PDE6C: variants seen among roughly 807,000 people sequenced by gnomAD.
PDE6C encodes cone cGMP-specific 3',5'-cyclic phosphodiesterase subunit alpha'.
PDE6C carries 75 observed loss-of-function variants against 113.1 expected under a neutral mutation model. The ratio of observed to expected loss-of-function variants is 0.66; its 90% CI spans 0.55 to 0.80. The LOEUF (loss-of-function observed/expected upper bound fraction) is 0.80. Among genes scored for constraint, PDE6C ranks in the 30% least tolerant of loss-of-function variants. PDE6C has a pLI of 0.00. For synonymous variants in PDE6C, 375 were observed against 363.7 expected (o/e 1.03, Z -0.35); for missense variants, 912 against 1,038.6 (o/e 0.88, Z 1.67).
At chr10:93,629,707 C>T (rs550601668) in intron 8 of PDE6C, among the ~76,000 whole-genome samples, 1 of 152,306 alleles carries the variant, frequency 6.6e-6, no homozygotes, top group East Asian at 1.9e-4. Flanking sequence ...AAGGACGGCA[C>T]AACCCAGATC....
rs769085822 is a variant in PDE6C at position 93,626,829 on chromosome 10, A to T, written c.1029A>T (p.Thr343=). The T allele has an allele frequency of 1.9e-6, 3 of 1,613,850 alleles. No individual in the cohort carries two copies. The highest frequency in any genetic ancestry group is 1.1e-5 in the South Asian group (1 of 91,078). The part of the protein sequence containing the change: ...VIPTPPADHW[T]LISGLPTYVA... ...GGACGCCTCCTGCAGACCACTGGAC[A>T]CTCATTAGTGGGTTGCCAACATATG... The change falls in exon 7 of 22, where the codon ACA becomes ACT. Residue 343 remains threonine (T), a synonymous_variant. Coordinates refer to ENST00000371447, the MANE Select transcript of PDE6C (RefSeq NM_006204.4).
intron 21 of PDE6C, among the ~76,000 whole-genome samples, chr10:93,664,409 A>G (rs906650437): frequency 2.0e-5 from 3 of 152,190 alleles, no homozygotes; most frequent in Admixed American, 2.0e-4. Flanking sequence ...GAGTCTAGAG[A>G]GTAAAGAGTG....
At chr10:93,645,673 C>T (rs1169719468) in intron 14 of PDE6C, among the ~76,000 whole-genome samples, 4 of 152,166 alleles carry the variant, frequency 2.6e-5, no homozygotes, top group African/African-American at 9.6e-5. Flanking sequence ...CATAGTCCAC[C>T]GCCATAAGCC....
rs186784124 is a variant in PDE6C, at chr10:93,623,789, A to G, written c.864+1717A>G. On this transcript the variant is annotated intron_variant, in intron 4 of 21. Coordinates refer to ENST00000371447, the MANE Select transcript of PDE6C (RefSeq NM_006204.4). Reference sequence around the variant, plus strand: ...GTAAGGGTCTATTTCTGGGTTCTCTATTTTGTTTCATTGATTCATTTGTCC... The same window carrying G: ...GTAAGGGTCTATTTCTGGGTTCTCTGTTTTGTTTCATTGATTCATTTGTCC... Among the ~76,000 whole-genome samples, 139 of 152,158 alleles carry G rather than the reference A, an allele frequency of 9.1e-4. 2 individuals are homozygous for G. Among genetic ancestry groups the G allele is most frequent in the Middle Eastern group, 3.4e-3 (1 of 294 alleles).
rs984773380 is a variant in PDE6C at position 93,620,325 on chromosome 10, T to C, written c.481-307T>C. On this transcript the variant is annotated intron_variant, in intron 1 of 21. Coordinates refer to ENST00000371447, the MANE Select transcript of PDE6C (RefSeq NM_006204.4). Reference sequence around the variant, plus strand: ...TCTATTGTAACCTTGTGCCTTCCCCTCTCTTCCTCTTAGCACCTCACTTTC... The same window carrying C: ...TCTATTGTAACCTTGTGCCTTCCCCCCTCTTCCTCTTAGCACCTCACTTTC... 7.2e-5 allele frequency among the ~76,000 whole-genome samples: 11 copies of C among 152,292 alleles called. No individual in the cohort carries two copies. The Middle Eastern group carries it at 0.014, about 188-fold the overall frequency.
chr10:93,631,492 G>C (rs184870554), intron 8 of PDE6C, among the ~76,000 whole-genome samples: 49 of 152,314 alleles, frequency 3.2e-4, no homozygotes, highest in Admixed American at 3.9e-4. Context: ...ACAGCACGGT[G>C]GTCTAAGGGG....
chr10:93,626,644 T>C lies in PDE6C; in HGVS notation c.944T>C (p.Val315Ala). 1 of 1,526,340 alleles carries C rather than the reference T, an allele frequency of 6.6e-7. No individual in the cohort carries two copies. Among genetic ancestry groups the C allele is most frequent in the Non-Finnish European group, 9.1e-7 (1 of 1,100,488 alleles). 94.5% of individuals were successfully genotyped at this position (1,526,340 alleles called of 1,614,324 possible). A position where few individuals can be genotyped will look rare whatever the true frequency, so the allele number is the denominator to read the frequency against. Residue 315 changes from valine to alanine, a missense_variant, in exon 6 of 22, where the codon GTC becomes GCC. Transcript: ENST00000371447. ...AATATCCTCTTTCTTTCTTAGGAAG[T>C]CAACTTTTATAAAATCATTGATTAC... ...KGPKTPDGRE[V>A]NFYKIIDYIL... is the part of the protein sequence containing the mutation.
At chr10:93,640,356 A>G in intron 12 of PDE6C, 94 bp from the exon 13 acceptor site, 2 of 1,249,532 alleles carry the variant, frequency 1.6e-6, no homozygotes, top group Non-Finnish European at 2.4e-6. Flanking sequence ...ACCCCTATCT[A>G]CAAGACCAAC....
At chr10:93,625,179 G>T (rs1297630905) in intron 4 of PDE6C, among the ~76,000 whole-genome samples, 2 of 152,138 alleles carry the variant, frequency 1.3e-5, no homozygotes, top group African/African-American at 2.4e-5. Context: ...GAGAATGAAT[G>T]TTGGGTAAAG....
At position 93,635,453 on chromosome 10, in the gene PDE6C, T is replaced by C. The variant is rs2058523608; in HGVS notation, c.1270-44T>C. On this transcript the variant is annotated intron_variant, in intron 9 of 21. Transcript: ENST00000371447. ...CAGATTGTTGCCTCCAAACCAATTT[T>C]TCTTTCACTGAAGAGAATTAGAATC... The C allele has an allele frequency of 1.9e-6, 3 of 1,565,736 alleles. No individual in the cohort carries two copies. The Admixed American group carries it at 5.0e-5, about 26-fold the overall frequency.
At chr10:93,636,393 T>TG (rs1357727967) in intron 10 of PDE6C, among the ~76,000 whole-genome samples, 1 of 149,712 alleles carries the variant, frequency 6.7e-6, no homozygotes, top group Non-Finnish European at 1.5e-5. Context: ...TGTGTGTGTG[T>TG]GTGTGTGTGT....
intron 15 of PDE6C, among the ~76,000 whole-genome samples, chr10:93,653,666 AAAAACAAAAAC>A (rs2058620053): frequency 2.0e-5 from 3 of 152,004 alleles, no homozygotes; most frequent in Admixed American, 2.0e-4. Context: ...AAACAAAAAC[AAAAACAAAAAC>A]AAAAAAAAAC....
intron 1 of PDE6C, 62 bp downstream of exon 1, chr10:93,613,267 A>C (rs1235708973): frequency 2.5e-6 from 4 of 1,603,776 alleles, no homozygotes; most frequent in Admixed American, 1.7e-5. Context: ...ACAAATGGGA[A>C]AGAGAGATAG....
chr10:93,626,065 G>A (rs2058471769), intron 5 of PDE6C, among the ~76,000 whole-genome samples: 1 of 152,142 alleles, frequency 6.6e-6, no homozygotes, highest in South Asian at 2.1e-4. Flanking sequence ...ATAGCACACA[G>A]GAAAGAGAAG....
rs774331419 is a variant in PDE6C, at chr10:93,662,063, C to T, written c.2213C>T (p.Ala738Val). 1.3e-6 allele frequency: 2 copies of T among 1,598,814 alleles called. 1 individual carries two copies. Among genetic ancestry groups the T allele is most frequent in the South Asian group, 2.2e-5 (2 of 90,776 alleles). Residue 738 changes from alanine (A) to valine (V), a missense_variant, in exon 19 of 22, where the codon GCA (alanine) becomes GTA (valine). Transcript: ENST00000371447. ...CCAAGCCTTTCTCATTTGCAGGTAG[C>T]ACTTATGGTTGCAAATGAATTTTGG... ...TKPWEVQSQV[A>V]LMVANEFWEQ...
intron 4 of PDE6C, among the ~76,000 whole-genome samples, chr10:93,622,651 TTTTTTTTTTTGTTG>T (rs1355015494): frequency 0.041 from 268 of 6,572 alleles, 26 homozygotes; most frequent in Non-Finnish European, 0.21. Flanking sequence ...TTTTTTTTTG[TTTTTTTTTTTGTTG>T]TTTTTTTTTT....
chr10:93,618,324 C>A (rs944769762), intron 1 of PDE6C, among the ~76,000 whole-genome samples: 1 of 151,994 alleles, frequency 6.6e-6, no homozygotes, highest in African/African-American at 2.4e-5. Flanking sequence ...CTATGTTATT[C>A]TATCTTCACA....
At chr10:93,630,876 T>G (rs1200396424) in intron 8 of PDE6C, among the ~76,000 whole-genome samples, 1 of 152,206 alleles carries the variant, frequency 6.6e-6, no homozygotes, top group Non-Finnish European at 1.5e-5. Context: ...TCCTTCCTCC[T>G]TGCAATTGAA....
rs1378349173 is a variant in PDE6C at position 93,665,289 on chromosome 10, T to C, written c.2519-71T>C. 5 of 1,122,284 alleles carry C rather than the reference T, an allele frequency of 4.5e-6. No homozygotes were observed. In the East Asian group the frequency reaches 1.2e-4, roughly 26 times the overall value. The allele number at this position is 1,122,284 out of a possible 1,614,324, so 69.5% of individuals were successfully genotyped here. On this transcript the variant is annotated intron_variant, in intron 21 of 21. Coordinates refer to ENST00000371447, the MANE Select transcript of PDE6C (RefSeq NM_006204.4). ...GTCTACAAAGTTGACACTACTATCA[T>C]GGGAATGTTAGAATAAAAACACTGT...
Sources: gnomAD v4.1 joint callset for allele counts (sites outside exome capture counted in the v4.1 genomes callset) on GRCh38, gnomAD v4.1.1 for gene constraint, MANE v1.5 for transcripts, NCBI Gene and HGNC (gene_info 2026-07-23, HGNC 2026-07-21) for gene names.